The following NDST3 variants were observed in gnomAD, a reference collection of about 807,000 sequenced individuals.
NDST3 encodes N-deacetylase and N-sulfotransferase 3.
A neutral mutation model predicts 96.1 loss-of-function variants in NDST3; 58 were observed. That is an observed-to-expected ratio of 0.60 (90% CI 0.49 to 0.75). The LOEUF is 0.75. NDST3 is among the 30% of genes least tolerant of loss of function. The pLI, the probability that NDST3 is intolerant of heterozygous loss-of-function variation, is 0.00. For missense variants in NDST3, 788 were observed against 1,034.2 expected (o/e 0.76, Z 3.27); for synonymous variants, 333 against 359.7 (o/e 0.93, Z 0.84).
At chr4:118,175,192 A>C (rs1736200421) in intron 6 of NDST3, among the ~76,000 whole-genome samples, 2 of 152,072 alleles carry the variant, frequency 1.3e-5, no homozygotes, top group Admixed American at 1.3e-4. Flanking sequence ...TTTTTCCAAC[A>C]GAATCTTTCT....
intron 2 of NDST3, among the ~76,000 whole-genome samples, chr4:118,090,537 G>T (rs1177533571): frequency 4.0e-5 from 6 of 151,826 alleles, no homozygotes. Flanking sequence ...TACAGCAGAG[G>T]CTTGAAATGG....
At chr4:118,245,973 TG>T (rs1402317521) in intron 12 of NDST3, among the ~76,000 whole-genome samples, 3 of 152,174 alleles carry the variant, frequency 2.0e-5, no homozygotes, top group Non-Finnish European at 4.4e-5. Flanking sequence ...CTCTTCATAT[TG>T]GCACAGGATG....
chr4:118,224,689 T>A lies in NDST3; in HGVS notation c.1722+16T>A. 1 of 1,559,694 alleles carries A rather than the reference T, an allele frequency of 6.4e-7. No individual in the cohort carries two copies. The highest frequency in any genetic ancestry group is 1.2e-5 in the South Asian group (1 of 80,464). On this transcript the variant is annotated intron_variant, in intron 7 of 13. Transcript: ENST00000296499. ...TCTCTGGCAGGTAAAATTAATTAAATAATTGATATAACCAGTTAATTCCAG... is the reference window on the plus strand; with the variant it reads ...TCTCTGGCAGGTAAAATTAATTAAAAAATTGATATAACCAGTTAATTCCAG...
intron 1 of NDST3, among the ~76,000 whole-genome samples, chr4:118,038,811 C>T (rs1724287964): frequency 6.6e-6 from 1 of 152,090 alleles, no homozygotes; most frequent in South Asian, 2.1e-4. Flanking sequence ...TATTAATACT[C>T]ATTTTCCAGA....
intron 2 of NDST3, among the ~76,000 whole-genome samples, chr4:118,092,049 CTTATTTAT>C (rs72446384): frequency 1.6e-4 from 9 of 54,766 alleles, no homozygotes; most frequent in Middle Eastern, 0.013. Context: ...TAGGTATTTT[CTTATTTAT>C]TTATTTATTT....
intron 1 of NDST3, among the ~76,000 whole-genome samples, chr4:118,053,378 C>A (rs1343410408): frequency 6.6e-6 from 1 of 151,894 alleles, no homozygotes; most frequent in Non-Finnish European, 1.5e-5. Flanking sequence ...TGATTAAAAA[C>A]AAACAGCTTG....
In NDST3 at chr4:118,138,123, G is replaced by T. The variant is rs754311821; in HGVS notation, c.1294G>T (p.Val432Phe). ...PHHSGVYPVH[V>F]QLYEAWKKVW... ...CCATTCGGGCGTCTACCCTGTACAT[G>T]TTCAGCTTTATGAGGCCTGGAAGAA... Residue 432 changes from valine (V) to phenylalanine (F), a missense_variant, in exon 5 of 14, where the codon GTT becomes TTT. By Grantham distance (50) the Val-to-Phe change is conservative. Coordinates refer to ENST00000296499, the MANE Select transcript of NDST3 (RefSeq NM_004784.3). 4.3e-6 allele frequency: 7 copies of T among 1,613,848 alleles called. No homozygotes were observed. The highest frequency in any genetic ancestry group is 5.9e-6 in the Non-Finnish European group (7 of 1,179,950).
intron 2 of NDST3, among the ~76,000 whole-genome samples, chr4:118,090,610 A>G (rs1187233222): frequency 6.6e-6 from 1 of 151,984 alleles, no homozygotes; most frequent in Non-Finnish European, 1.5e-5. Flanking sequence ...AATACAAAAC[A>G]TGATGCTGAA....
intron 6 of NDST3, among the ~76,000 whole-genome samples, chr4:118,196,472 G>T (rs1401038843): frequency 6.6e-6 from 1 of 152,042 alleles, no homozygotes; most frequent in African/African-American, 2.4e-5. Context: ...AAGTCATTGG[G>T]TCCTGGGCTT....
At chr4:118,194,768 C>A (rs904189026) in intron 6 of NDST3, 1 of 437,822 alleles carries the variant, frequency 2.3e-6, no homozygotes, top group Non-Finnish European at 4.2e-6. Flanking sequence ...GCAGCGCACC[C>A]TTTCTGGGAG....
intron 6 of NDST3, among the ~76,000 whole-genome samples, chr4:118,195,263 A>G (rs946281649): frequency 1.3e-5 from 2 of 152,150 alleles, no homozygotes; most frequent in African/African-American, 4.8e-5. Context: ...TCCCTACCCA[A>G]ATCTCACCTT....
chr4:118,238,164 AAAGAAAGAAAG>A (rs1332322154), intron 10 of NDST3, among the ~76,000 whole-genome samples: 28 of 20,444 alleles, frequency 1.4e-3, no homozygotes, highest in African/African-American at 5.3e-3. Context: ...GAAAAGAAAG[AAAGAAAGAAAG>A]AAAGAAAGAA....
rs577471654 is a variant in NDST3, at chr4:118,091,185, G to A, written c.982-13833G>A. On this transcript the variant is annotated intron_variant, in intron 2 of 13. Coordinates refer to ENST00000296499, the MANE Select transcript of NDST3 (RefSeq NM_004784.3). ...GCGTGAGGATGAAAAACTACCTATTGGGTACCATGCTCATTACCTGGATGA... is the reference window on the plus strand; with the variant it reads ...GCGTGAGGATGAAAAACTACCTATTAGGTACCATGCTCATTACCTGGATGA... Among the ~76,000 whole-genome samples the A allele has an allele frequency of 2.0e-5, 3 of 151,696 alleles. No individual in the cohort carries two copies. In the South Asian group the frequency reaches 6.2e-4, roughly 32 times the overall value.
At position 118,110,505 on chromosome 4, in the gene NDST3, G is replaced by A. The variant is rs561858812; in HGVS notation, c.1070-4301G>A. On this transcript the variant is annotated intron_variant, in intron 3 of 13. Coordinates refer to ENST00000296499, the MANE Select transcript of NDST3 (RefSeq NM_004784.3). ...CTCATGAGGTTGTTTTGAGAATTAA[G>A]TGAAATGATGTTTGTAAAGTACTCA... Among the ~76,000 whole-genome samples, 3 of 152,216 alleles carry A rather than the reference G, an allele frequency of 2.0e-5. No homozygotes were observed. The South Asian group carries it at 6.2e-4, about 32-fold the overall frequency.
chr4:118,116,416 C>T (rs1731116293), intron 4 of NDST3, among the ~76,000 whole-genome samples: 2 of 152,040 alleles, frequency 1.3e-5, no homozygotes, highest in South Asian at 2.1e-4. Context: ...AATAATGTAC[C>T]AAAGCAGCTT....
At chr4:118,210,039 A>G (rs1738683345) in intron 6 of NDST3, among the ~76,000 whole-genome samples, 1 of 152,214 alleles carries the variant, frequency 6.6e-6, no homozygotes, top group African/African-American at 2.4e-5. Flanking sequence ...TGAGAGGGAC[A>G]AACATGCCAA....
At chr4:118,082,957 AAAC>A in intron 2 of NDST3, among the ~76,000 whole-genome samples, 1 of 152,210 alleles carries the variant, frequency 6.6e-6, no homozygotes, top group Non-Finnish European at 1.5e-5. Flanking sequence ...CTACAGTTTT[AAAC>A]AACTAGATCT....
chr4:118,075,659 C>T (rs1281293230), intron 2 of NDST3, among the ~76,000 whole-genome samples: 1 of 152,156 alleles, frequency 6.6e-6, no homozygotes, highest in African/African-American at 2.4e-5. Flanking sequence ...TGATGATGAG[C>T]ATTTTTTCAT....
At chr4:118,147,050 G>A (rs1734000682) in intron 6 of NDST3, among the ~76,000 whole-genome samples, 1 of 152,168 alleles carries the variant, frequency 6.6e-6, no homozygotes, top group Admixed American at 6.5e-5. Flanking sequence ...TACTTCCCAT[G>A]TAACCGGACT....
Sources: gnomAD v4.1 joint callset for allele counts (sites outside exome capture counted in the v4.1 genomes callset) on GRCh38, gnomAD v4.1.1 for gene constraint, MANE v1.5 for transcripts, NCBI Gene and HGNC (gene_info 2026-07-23, HGNC 2026-07-21) for gene names.